The following MYO10 variants were observed in gnomAD, a reference collection of about 807,000 sequenced individuals.
MYO10 encodes unconventional myosin-X.
A neutral mutation model predicts 257.3 loss-of-function variants in MYO10; 133 were observed. That is an observed-to-expected ratio of 0.52 (90% CI 0.45 to 0.60). MYO10 has a LOEUF of 0.60. MYO10 is among the 20% of genes least tolerant of loss of function. The probability of loss-of-function intolerance (pLI) is 0.00; values close to 1 mark genes in which losing one functional copy is unlikely to be tolerated. For missense variants in MYO10, 2,399 were observed against 2,635.7 expected, an observed-to-expected ratio of 0.91 and a Z score of 1.97; for synonymous variants, 1,104 against 1,028.6, an observed-to-expected ratio of 1.07 and a Z score of -1.40.
intron 19 of MYO10, among the ~76,000 whole-genome samples, chr5:16,749,334 A>T (rs1740311956): frequency 1.3e-5 from 2 of 152,032 alleles, no homozygotes; most frequent in African/African-American, 4.8e-5. Context: ...TAAAAATACA[A>T]AAATCAGCTG....
chr5:16,889,299 G>A (rs981636885), intron 1 of MYO10, among the ~76,000 whole-genome samples: 1 of 152,004 alleles, frequency 6.6e-6, no homozygotes, highest in Middle Eastern at 3.4e-3. Context: ...CCAGGCAGTC[G>A]GGAGGCTGAG....
chr5:16,886,609 A>AG (rs1471641758), intron 1 of MYO10, among the ~76,000 whole-genome samples: 3 of 152,126 alleles, frequency 2.0e-5, no homozygotes, highest in Admixed American at 6.5e-5. Flanking sequence ...TCATTTCTCA[A>AG]GCTTGCCTAT....
At chr5:16,903,934 G>A (rs569220036) in intron 1 of MYO10, among the ~76,000 whole-genome samples, 6 of 152,272 alleles carry the variant, frequency 3.9e-5, no homozygotes, top group Admixed American at 2.0e-4. Context: ...TTTGGTCAGC[G>A]TCATTGTCCT....
intron 1 of MYO10, among the ~76,000 whole-genome samples, chr5:16,919,112 C>T (rs1717194974): frequency 6.6e-6 from 1 of 152,136 alleles, no homozygotes; most frequent in Non-Finnish European, 1.5e-5. Context: ...AGTGATAGCT[C>T]ACACCTGTAA....
chr5:16,719,760 T>C (rs1433660755), intron 19 of MYO10, among the ~76,000 whole-genome samples: 1 of 152,096 alleles, frequency 6.6e-6, no homozygotes, highest in African/African-American at 2.4e-5. Context: ...GGTCAGGAGT[T>C]CGAGACCAGC....
intron 40 of MYO10, among the ~76,000 whole-genome samples, chr5:16,667,080 C>T (rs574452608): frequency 6.6e-6 from 1 of 152,296 alleles, no homozygotes; most frequent in South Asian, 2.1e-4. Context: ...CAGAACTAAC[C>T]GAGGACGCTG....
At chr5:16,901,875 T>C (rs978083682) in intron 1 of MYO10, among the ~76,000 whole-genome samples, 2 of 152,140 alleles carry the variant, frequency 1.3e-5, no homozygotes, top group Non-Finnish European at 2.9e-5. Flanking sequence ...AGCCAGACCA[T>C]CATGAAGCCA....
intron 2 of MYO10, among the ~76,000 whole-genome samples, chr5:16,840,484 T>A (rs1044488527): frequency 6.6e-5 from 10 of 151,948 alleles, no homozygotes; most frequent in Non-Finnish European, 7.4e-5. Flanking sequence ...ACCTGTCCTG[T>A]GAAATCCTTT....
chr5:16,786,369 C>A (rs993474665), intron 4 of MYO10, among the ~76,000 whole-genome samples: 1 of 152,060 alleles, frequency 6.6e-6, no homozygotes, highest in African/African-American at 2.4e-5. Context: ...GGAAATGGAC[C>A]AAGTCATGGA....
chr5:16,912,821 C>T (rs1745699670), intron 1 of MYO10, among the ~76,000 whole-genome samples: 1 of 144,732 alleles, frequency 6.9e-6, no homozygotes, highest in Non-Finnish European at 1.6e-5. Context: ...CACACACACA[C>T]ACACACACAC....
chr5:16,834,745 A>G (rs1417232599), intron 2 of MYO10, among the ~76,000 whole-genome samples: 1 of 152,244 alleles, frequency 6.6e-6, no homozygotes, highest in African/African-American at 2.4e-5. Context: ...TGAAATGAAA[A>G]GGACATATTC....
intron 2 of MYO10, among the ~76,000 whole-genome samples, chr5:16,845,175 A>G (rs765515797): frequency 1.6e-4 from 24 of 152,004 alleles, no homozygotes; most frequent in Non-Finnish European, 3.1e-4. Context: ...GTGGCAGTAC[A>G]TTTTTTCCTG....
At chr5:16,747,977 A>G (rs1412493490) in intron 19 of MYO10, among the ~76,000 whole-genome samples, 2 of 151,574 alleles carry the variant, frequency 1.3e-5, no homozygotes, top group Non-Finnish European at 2.9e-5. Flanking sequence ...AAGAAAAAAA[A>G]AGAGAAAAAG....
chr5:16,696,757 G>A (rs31575), intron 26 of MYO10, among the ~76,000 whole-genome samples: 1,789 of 151,530 alleles, frequency 0.012, 45 homozygotes, highest in African/African-American at 0.04. Context: ...TCAGGAGGCT[G>A]AGCCAGAAGA....
rs967936245 is a variant in MYO10 at position 16,689,983 on chromosome 5, G to C, written c.3801-64C>G. 3.3e-6 allele frequency: 4 copies of C among 1,206,426 alleles called. No homozygotes were observed. In the African/African-American group the frequency reaches 4.5e-5, roughly 14 times the overall value. The allele number at this position is 1,206,426 out of a possible 1,614,324, so 74.7% of individuals were successfully genotyped here. On this transcript the variant is annotated intron_variant, in intron 27 of 40. Transcript: ENST00000513610. ...ACCAAATTCTGAATAACTGAGGAAA[G>C]CAACTAATGAAGCCAATGACTAGAG...
At chr5:16,680,863 T>A (rs1361099733) in intron 32 of MYO10, among the ~76,000 whole-genome samples, 1 of 152,088 alleles carries the variant, frequency 6.6e-6, no homozygotes, top group Non-Finnish European at 1.5e-5. Flanking sequence ...GGTGTGATGG[T>A]GCGTGCCTGT....
chr5:16,770,392 CAT>C (rs1741010963), intron 9 of MYO10, among the ~76,000 whole-genome samples: 1 of 152,090 alleles, frequency 6.6e-6, no homozygotes, highest in South Asian at 2.1e-4. Context: ...TGGAAGTTAA[CAT>C]AATGCTGTTT....
At chr5:16,750,192 G>A (rs968425662) in intron 19 of MYO10, among the ~76,000 whole-genome samples, 2 of 152,166 alleles carry the variant, frequency 1.3e-5, no homozygotes, top group Non-Finnish European at 2.9e-5. Context: ...GGCGTCTCTC[G>A]GGAAGCAGGC....
intron 33 of MYO10, among the ~76,000 whole-genome samples, chr5:16,677,780 GAC>G (rs977898656): frequency 1.4e-5 from 2 of 145,048 alleles, no homozygotes; most frequent in African/African-American, 2.6e-5. Context: ...TTTTTTTGCA[GAC>G]AGAGTTTCGC....
Sources: gnomAD v4.1 joint callset for allele counts (sites outside exome capture counted in the v4.1 genomes callset) on GRCh38, gnomAD v4.1.1 for gene constraint, MANE v1.5 for transcripts, NCBI Gene and HGNC (gene_info 2026-07-23, HGNC 2026-07-21) for gene names.